Variants in DHPS observed in about 807,000 individuals in gnomAD.
DHPS encodes the protein migration-inducing gene 13.
DHPS carries 24 observed loss-of-function variants against 38.7 expected under a neutral mutation model. The observed-to-expected ratio is 0.62, with a 90% confidence interval of 0.45 to 0.87. The LOEUF is 0.87. Ranked by LOEUF, DHPS falls within the 40% of genes least tolerant of loss-of-function variation. The probability of loss-of-function intolerance (pLI) is 0.00; values close to 1 mark genes in which losing one functional copy is unlikely to be tolerated. For synonymous variants in DHPS, 250 were observed against 204.4 expected (o/e 1.22, Z -1.90); for missense variants, 510 against 497.6 (o/e 1.02, Z -0.24).
At position 12,681,793 on chromosome 19, in the gene DHPS, A is replaced by T. The variant is rs1395493751; in HGVS notation, c.-27T>A. On this transcript the variant is annotated 5_prime_UTR_variant, in exon 1 of 9. Transcript: ENST00000210060. ...CGCCTATAGCCGGCTCTCGAGTCAA[A>T]GCTGCCCCTAGGCCGGGCTTACGGC... 6.3e-7 allele frequency: 1 copy of T among 1,593,994 alleles called. No homozygotes were observed. The highest frequency in any genetic ancestry group is 8.5e-7 in the Non-Finnish European group (1 of 1,174,112).
At chr19:12,675,441 T>G, downstream of DHPS, 12 of 1,538,204 alleles carry the variant, frequency 7.8e-6, no homozygotes, top group African/African-American at 2.7e-5. Context: ...CAGGCAGGAC[T>G]GAGATGGGGG....
chr19:12,673,147 C>G (rs1275362294), downstream of DHPS: 1 of 1,611,328 alleles, frequency 6.2e-7, no homozygotes, highest in African/African-American at 1.3e-5. Context: ...GGATCCCCTT[C>G]CCTCCTCTCC....
chr19:12,672,548 C>T (rs561307368), downstream of DHPS: 132 of 391,136 alleles, frequency 3.4e-4, 1 homozygote, highest in African/African-American at 2.5e-3. Flanking sequence ...GCAGAGGTTC[C>T]GGTGAGCCAA....
At chr19:12,674,482 G>A (rs541918506), downstream of DHPS, among the ~76,000 whole-genome samples, 37 of 152,190 alleles carry the variant, frequency 2.4e-4, no homozygotes. Flanking sequence ...ACAAGCTCTT[G>A]CTTTAGGAAC....
Position 12,676,184 on chromosome 19 carries a change from A to G in DHPS, c.889-42T>C, listed in dbSNP as rs755789044. 5 of 1,529,918 alleles carry G rather than the reference A, an allele frequency of 3.3e-6. No individual in the cohort carries two copies. In the East Asian group the frequency reaches 1.1e-4, roughly 35 times the overall value. 94.8% of individuals were successfully genotyped at this position (1,529,918 alleles called of 1,614,324 possible). A position where few individuals can be genotyped will look rare whatever the true frequency, so the allele number is the denominator to read the frequency against. ...GCACGGTGGGCCCAGTCAGCCAGTC[A>G]CAGGAGACAGACACAGAGGGAGGAC... On this transcript the variant is annotated intron_variant, in intron 7 of 8. Transcript: ENST00000210060.
chr19:12,679,912 A>G lies in DHPS; in HGVS notation c.383T>C (p.Leu128Ser). The part of the protein sequence containing the change: ...YLVQHNMVDV[L>S]VTTAGGVEED... Reference sequence around the variant, plus strand: ...CTCCACGCCGCCAGCTGTGGTCACCAATACGTCCACCTGCAGCCACAAGGC... The same window carrying G: ...CTCCACGCCGCCAGCTGTGGTCACCGATACGTCCACCTGCAGCCACAAGGC... The change falls in exon 3 of 9, where the codon TTG (leucine) becomes TCG (serine). Residue 128 changes from leucine to serine, a missense_variant. Transcript: ENST00000210060. 1 of 1,613,252 alleles carries G rather than the reference A, an allele frequency of 6.2e-7. No individual in the cohort carries two copies. The highest frequency in any genetic ancestry group is 8.5e-7 in the Non-Finnish European group (1 of 1,179,576).
chr19:12,680,255 G>T lies in DHPS; in HGVS notation c.278C>A (p.Pro93Gln). The T allele has an allele frequency of 6.2e-7, 1 of 1,614,138 alleles. No homozygotes were observed. The highest frequency in any genetic ancestry group is 1.1e-5 in the South Asian group (1 of 91,086). ...CAGGAAAATGGTGCAGCTGGTAAGTGGGCGGCGGCTCTGGGTCAGGTCCGC... is the reference window on the plus strand; with the variant it reads ...CAGGAAAATGGTGCAGCTGGTAAGTTGGCGGCGGCTCTGGGTCAGGTCCGC... ...QHADLTQSRRPLTSCTIFLGY... is the reference protein window; with the variant it reads ...QHADLTQSRRQLTSCTIFLGY... The change falls in exon 2 of 9, where the codon CCA (proline) becomes CAA (glutamine). Residue 93 changes from proline to glutamine, a missense_variant. Coordinates refer to ENST00000210060, the MANE Select transcript of DHPS (RefSeq NM_001930.4).
In DHPS at chr19:12,681,770, C is replaced by T. The variant is rs2024826694; in HGVS notation, c.-4G>A. 6.2e-7 allele frequency: 1 copy of T among 1,605,742 alleles called. No homozygotes were observed. The highest frequency in any genetic ancestry group is 8.5e-7 in the Non-Finnish European group (1 of 1,179,246). On this transcript the variant is annotated 5_prime_UTR_variant, in exon 1 of 9. Transcript: ENST00000210060. Reference sequence around the variant, plus strand: ...CCCGTTCCAGGGAACCTTCCATGCGCCTATAGCCGGCTCTCGAGTCAAAGC... The same window carrying T: ...CCCGTTCCAGGGAACCTTCCATGCGTCTATAGCCGGCTCTCGAGTCAAAGC...
Position 12,679,441 on chromosome 19 carries a change from C to G in DHPS, c.678+16G>C. 6.2e-7 allele frequency: 1 copy of G among 1,613,718 alleles called. No homozygotes were observed. The highest frequency in any genetic ancestry group is 8.5e-7 in the Non-Finnish European group (1 of 1,179,624). On this transcript the variant is annotated intron_variant, in intron 5 of 8. Transcript: ENST00000210060. ...ATGCCAAAGTCTGGCTACTTTGCTCCCGCTTAGGTCCTCACCTTCTGGGCC... is the reference window on the plus strand; with the variant it reads ...ATGCCAAAGTCTGGCTACTTTGCTCGCGCTTAGGTCCTCACCTTCTGGGCC...
intron 5 of DHPS, among the ~76,000 whole-genome samples, chr19:12,679,089 A>C (rs1335176747): frequency 6.6e-6 from 1 of 152,044 alleles, no homozygotes; most frequent in Non-Finnish European, 1.5e-5. Flanking sequence ...TGACGCCAGG[A>C]GTTCAAGACC....
Position 12,676,097 on chromosome 19 carries a change from A to G in DHPS, c.934T>C (p.Phe312Leu). ...CGGGCACCTGAGTCAGAGCCATCAA[A>G]CTCCTGGGCTGTGTTGATGTAAACA... ...YAVYINTAQE[F>L]DGSDSGARPD... The change falls in exon 8 of 9, where the codon TTT (phenylalanine) becomes CTT (leucine). Residue 312 changes from phenylalanine to leucine, a missense_variant. Physicochemically the swap from Phe to Leu is conservative, Grantham distance 22 (BLOSUM62 0). Coordinates refer to ENST00000210060, the MANE Select transcript of DHPS (RefSeq NM_001930.4). 6.2e-7 allele frequency: 1 copy of G among 1,613,676 alleles called. No individual in the cohort carries two copies. Among genetic ancestry groups the G allele is most frequent in the South Asian group, 1.1e-5 (1 of 91,062 alleles).
rs771333352 is a variant in DHPS at position 12,681,611 on chromosome 19, G to A, written c.156C>T (p.Thr52=). The A allele has an allele frequency of 3.1e-6, 5 of 1,614,150 alleles. No individual in the cohort carries two copies. The highest frequency in any genetic ancestry group is 1.7e-5 in the Admixed American group (1 of 60,014). Reference sequence around the variant, plus strand: ...GCCCGAAGTTGGTTGCTTGGAAGCCGGTGGTGCCGAAGGCCTCCAGCAGTG... The same window carrying A: ...GCCCGAAGTTGGTTGCTTGGAAGCCAGTGGTGCCGAAGGCCTCCAGCAGTG... ...YRALLEAFGT[T]GFQATNFGRA... is the part of the protein sequence containing the mutation. Residue 52 remains threonine (T), a synonymous_variant, in exon 1 of 9, where the codon ACC becomes ACT. Coordinates refer to ENST00000210060, the MANE Select transcript of DHPS (RefSeq NM_001930.4).
intron 7 of DHPS, chr19:12,676,743 A>C: frequency 3.3e-6 from 1 of 304,970 alleles, no homozygotes; most frequent in East Asian, 7.8e-5. Context: ...TCTCCTGGGA[A>C]CTTTGCAATC....
At chr19:12,680,443 A>C in intron 1 of DHPS, 118 bp from the exon 2 acceptor site, 5 of 1,053,028 alleles carry the variant, frequency 4.7e-6, no homozygotes, top group Non-Finnish European at 7.1e-6. Context: ...ATACAGGACC[A>C]GTTCTACAGG....
downstream of DHPS, chr19:12,673,082 C>T (rs200272266): frequency 5.0e-6 from 8 of 1,613,396 alleles, no homozygotes; most frequent in Admixed American, 3.3e-5. Context: ...CACATTGCGG[C>T]TCCTGGACAA....
At chr19:12,680,078 A>G (rs1456177120) in intron 2 of DHPS, 83 bp downstream of exon 2, 1 of 1,580,554 alleles carries the variant, frequency 6.3e-7, no homozygotes, top group Admixed American at 1.7e-5. Context: ...ACAGACCCCT[A>G]TCTGCCCATC....
At chr19:12,680,451 A>G in intron 1 of DHPS, 126 bp from the exon 2 acceptor site, 1 of 925,208 alleles carries the variant, frequency 1.1e-6, no homozygotes, top group Non-Finnish European at 1.7e-6. Flanking sequence ...CCAGTTCTAC[A>G]GGGGACCAAG....
At position 12,681,800 on chromosome 19, in the gene DHPS, C is replaced by T. The variant is rs756270990; in HGVS notation, c.-34G>A. 149 of 1,586,210 alleles carry T rather than the reference C, an allele frequency of 9.4e-5. 1 individual carries two copies. The highest frequency in any genetic ancestry group is 1.2e-4 in the Non-Finnish European group (141 of 1,168,504). On this transcript the variant is annotated 5_prime_UTR_variant, in exon 1 of 9. Coordinates refer to ENST00000210060, the MANE Select transcript of DHPS (RefSeq NM_001930.4). ...AGCCGGCTCTCGAGTCAAAGCTGCC[C>T]CTAGGCCGGGCTTACGGCGGCCCAG...
intron 5 of DHPS, 33 bp downstream of exon 5, chr19:12,679,424 G>A: frequency 6.3e-7 from 1 of 1,599,416 alleles, no homozygotes; most frequent in Non-Finnish European, 8.6e-7. Context: ...ACATGCCAAA[G>A]TCTGGCTACT....
Sources: allele counts gnomAD v4.1 joint callset (sites outside exome capture counted in the v4.1 genomes callset), GRCh38; gene constraint gnomAD v4.1.1; transcripts MANE v1.5; gene names NCBI Gene and HGNC (gene_info 2026-07-23, HGNC 2026-07-21).